The following PDE10A variants were observed in gnomAD, a reference collection of about 807,000 sequenced individuals.
PDE10A encodes the protein cAMP and cAMP-inhibited cGMP 3',5'-cyclic phosphodiesterase 10A.
A neutral mutation model predicts 97.7 loss-of-function variants in PDE10A; 39 were observed. The ratio of observed to expected loss-of-function variants is 0.40; its 90% confidence interval spans 0.31 to 0.52. The LOEUF (loss-of-function observed/expected upper bound fraction) is 0.52. Among genes scored for constraint, PDE10A ranks in the 20% least tolerant of loss-of-function variants. The probability of loss-of-function intolerance (pLI) is 0.56; values close to 1 mark genes in which losing one functional copy is unlikely to be tolerated. For missense variants in PDE10A, 731 were observed against 1,047.8 expected (o/e 0.70, Z 4.17); for synonymous variants, 371 against 376.8 (o/e 0.98, Z 0.18).
chr6:165,611,443 C>A (rs1444772630), intron 1 of PDE10A, among the ~76,000 whole-genome samples: 3 of 152,196 alleles, frequency 2.0e-5, no homozygotes, highest in Admixed American at 2.0e-4. Flanking sequence ...ATGGTGGAAT[C>A]CCAGACCTCA....
chr6:165,625,758 A>T (rs1788356365), intron 1 of PDE10A, among the ~76,000 whole-genome samples: 1 of 152,152 alleles, frequency 6.6e-6, no homozygotes. Flanking sequence ...TTCTGCCATG[A>T]TTGTGAGGCC....
chr6:165,891,045 G>T (rs114568006), intron 1 of PDE10A, among the ~76,000 whole-genome samples: 2 of 152,122 alleles, frequency 1.3e-5, no homozygotes, highest in Non-Finnish European at 2.9e-5. Context: ...TGAACATTTT[G>T]TGAGATTGGT....
At chr6:165,987,983 G>A (rs1785276970), upstream of PDE10A, 1 of 397,654 alleles carries the variant, frequency 2.5e-6, no homozygotes, top group Admixed American at 2.8e-5. Context: ...GTGCGTGTGT[G>A]TGTGTGTGTG....
At chr6:165,458,944 TC>T (rs1279724704) in intron 3 of PDE10A, among the ~76,000 whole-genome samples, 5 of 152,168 alleles carry the variant, frequency 3.3e-5, no homozygotes, top group Non-Finnish European at 5.9e-5. Flanking sequence ...TAAGTTCAAA[TC>T]CCAGATCACA....
In PDE10A at chr6:165,379,006, C is replaced by T. The variant is rs750448742; in HGVS notation, c.2783+188G>A. On this transcript the variant is annotated intron_variant, in intron 18 of 21. Coordinates refer to ENST00000539869, the MANE Select transcript of PDE10A (RefSeq NM_001385079.1). ...TTTTGATTATCCTCACTAGACATTG[C>T]CAGCAATCTTGTCAAACAACAAAGC... Among the ~76,000 whole-genome samples, 23 of 152,250 alleles carry T rather than the reference C, an allele frequency of 1.5e-4. No individual in the cohort carries two copies. The South Asian group carries it at 1.7e-3, about 11-fold the overall frequency.
intron 3 of PDE10A, among the ~76,000 whole-genome samples, chr6:165,455,043 T>A (rs1307559291): frequency 6.6e-6 from 1 of 151,914 alleles, no homozygotes; most frequent in Admixed American, 6.6e-5. Flanking sequence ...CCCAAAGAGG[T>A]CGGCAGCCAT....
chr6:165,687,103 C>T (rs1187033078), intron 1 of PDE10A, among the ~76,000 whole-genome samples: 7 of 152,262 alleles, frequency 4.6e-5, no homozygotes, highest in Middle Eastern at 3.2e-3. Flanking sequence ...AGCATGGCTG[C>T]TTCCCATCTC....
At chr6:165,930,034 AGAAATGAGGGT>A in intron 1 of PDE10A, among the ~76,000 whole-genome samples, 1 of 148,788 alleles carries the variant, frequency 6.7e-6, no homozygotes, top group South Asian at 2.1e-4. Context: ...ATATCACTCC[AGAAATGAGGGT>A]GGCAGCTGGG....
intron 2 of PDE10A, among the ~76,000 whole-genome samples, chr6:165,525,997 T>C (rs545910255): frequency 4.8e-4 from 73 of 152,282 alleles, no homozygotes; most frequent in African/African-American, 1.7e-3. Context: ...TTCCAGACTT[T>C]AGCCAGTTTA....
Position 165,413,665 on chromosome 6 carries a change from A to G in PDE10A, c.1912T>C (p.Tyr638His). The G allele has an allele frequency of 6.2e-7, 1 of 1,614,038 alleles. No individual in the cohort carries two copies. Residue 638 changes from tyrosine to histidine, a missense_variant, in exon 13 of 22, where the codon TAC (tyrosine) becomes CAC (histidine). Coordinates refer to ENST00000539869, the MANE Select transcript of PDE10A (RefSeq NM_001385079.1). ...ATGCACAGGATGTTCCGCGTGGTGTAGCCTGTGTACAAGTCTACTTCTCTG... is the reference window on the plus strand; with the variant it reads ...ATGCACAGGATGTTCCGCGTGGTGTGGCCTGTGTACAAGTCTACTTCTCTG... ...FNREVDLYTG[Y>H]TTRNILCMPI...
intron 3 of PDE10A, among the ~76,000 whole-genome samples, chr6:165,477,110 C>CA (rs1779337720): frequency 6.6e-6 from 1 of 152,180 alleles, no homozygotes; most frequent in African/African-American, 2.4e-5. Flanking sequence ...CCAGCGGCAT[C>CA]ATCTCCGACC....
rs541118715 is a variant in PDE10A at position 165,981,932 on chromosome 6, G to T, written c.-615+5597C>A. On this transcript the variant is annotated intron_variant, in intron 1 of 19. Transcript: ENST00000366882. ...GAAAGATCAATCCAGCTGATGGTGGGGGTTAGGTAGATGTAGGTCAGTTAG... is the reference window on the plus strand; with the variant it reads ...GAAAGATCAATCCAGCTGATGGTGGTGGTTAGGTAGATGTAGGTCAGTTAG... Among the ~76,000 whole-genome samples, 169 of 152,274 alleles carry T rather than the reference G, an allele frequency of 1.1e-3. No homozygotes were observed. In the South Asian group the frequency reaches 0.017, roughly 15 times the overall value.
At chr6:165,796,095 T>TCTTTC (rs1448193327) in intron 1 of PDE10A, among the ~76,000 whole-genome samples, 1 of 86,762 alleles carries the variant, frequency 1.2e-5, no homozygotes, top group Non-Finnish European at 2.6e-5. Context: ...TCTTTTCTTT[T>TCTTTC]TTTTTTTTTT....
chr6:165,854,293 G>A (rs1006437368), intron 1 of PDE10A, among the ~76,000 whole-genome samples: 1 of 152,238 alleles, frequency 6.6e-6, no homozygotes, highest in South Asian at 2.1e-4. Flanking sequence ...GAGGAGAAAG[G>A]GGCCCGCAGG....
chr6:165,957,906 G>A lies in PDE10A; in HGVS notation c.-615+29623C>T, dbSNP rs181097290. On this transcript the variant is annotated intron_variant, in intron 1 of 19. Coordinates refer to the PDE10A transcript ENST00000366882. ...CCATGTCTCCATGGAGGCCCTGGCC[G>A]AAAATCCAGCTCCTTCTTTCAATTC... Among the ~76,000 whole-genome samples the A allele has an allele frequency of 1.4e-3, 208 of 152,338 alleles. 1 individual carries two copies. Among genetic ancestry groups the A allele is most frequent in the African/African-American group, 4.7e-3 (194 of 41,584 alleles).
At chr6:165,681,040 T>C (rs1342508904) in intron 1 of PDE10A, among the ~76,000 whole-genome samples, 2 of 152,214 alleles carry the variant, frequency 1.3e-5, no homozygotes, top group Admixed American at 6.5e-5. Context: ...AGTTACTTTG[T>C]AAATTGCATA....
At chr6:165,339,212 T>C (rs935213651) in intron 20 of PDE10A, 66 bp downstream of exon 20, 3 of 896,154 alleles carry the variant, frequency 3.3e-6, no homozygotes, top group Non-Finnish European at 5.7e-6. Flanking sequence ...TCCATTTATG[T>C]ATGATTTTAT....
intron 19 of PDE10A, among the ~76,000 whole-genome samples, chr6:165,341,856 G>C (rs533172184): frequency 6.6e-6 from 1 of 152,296 alleles, no homozygotes; most frequent in African/African-American, 2.4e-5. Flanking sequence ...CAATTTACTG[G>C]AGAGACGAAT....
chr6:165,880,960 T>C (rs1050240277), intron 1 of PDE10A, among the ~76,000 whole-genome samples: 1 of 152,254 alleles, frequency 6.6e-6, no homozygotes, highest in African/African-American at 2.4e-5. Flanking sequence ...CATCATTTTG[T>C]CATTTCATAA....
Sources: gnomAD v4.1 joint callset for allele counts (sites outside exome capture counted in the v4.1 genomes callset) on GRCh38, gnomAD v4.1.1 for gene constraint, MANE v1.5 for transcripts, NCBI Gene and HGNC (gene_info 2026-07-23, HGNC 2026-07-21) for gene names.